Variants in PRTG observed in about 807,000 individuals in gnomAD.
PRTG encodes protogenin.
Under a neutral mutation model 122.5 loss-of-function variants are expected in PRTG, and 67 were observed. The ratio of observed to expected loss-of-function variants is 0.55; its 90% CI spans 0.45 to 0.67. The LOEUF (loss-of-function observed/expected upper bound fraction) is 0.67, where lower values mean the gene tolerates loss of function less well. PRTG is among the 30% of genes least tolerant of loss of function. The pLI is 0.00. For synonymous variants in PRTG, 554 were observed against 501.1 expected (o/e 1.11, Z -1.41); for missense variants, 1,435 against 1,415.4 (o/e 1.01, Z -0.22).
At position 55,616,879 on chromosome 15, in the gene PRTG, C is replaced by T. The variant is rs1451401557; in HGVS notation, c.*3133G>A. Reference sequence around the variant, plus strand: ...TAAATAAATTTATTTCAAATCTGCTCATCTTTACTTACTTACAGGCTAACC... The same window carrying T: ...TAAATAAATTTATTTCAAATCTGCTTATCTTTACTTACTTACAGGCTAACC... On this transcript the variant is annotated 3_prime_UTR_variant, in exon 20 of 20. Transcript: ENST00000389286. 9 of 152,092 alleles carry T rather than the reference C, an allele frequency of 5.9e-5. No homozygotes were observed. Among genetic ancestry groups the T allele is most frequent in the African/African-American group, 2.2e-4 (9 of 41,444 alleles). The allele number at this position is 152,092 out of a possible 1,614,324, so 9.4% of individuals were successfully genotyped here.
In PRTG at chr15:55,619,913, A is replaced by C; in HGVS notation, c.*99T>G. 6.5e-7 allele frequency: 1 copy of C among 1,540,980 alleles called. No homozygotes were observed. Among genetic ancestry groups the C allele is most frequent in the Non-Finnish European group, 8.7e-7 (1 of 1,145,536 alleles). On this transcript the variant is annotated 3_prime_UTR_variant, in exon 20 of 20. Coordinates refer to ENST00000389286, the MANE Select transcript of PRTG (RefSeq NM_173814.6). ...GCATAGCATGGCAGATGGCGGCTGCAGAACTAAGGAGGAAGTCTGCTCACT... is the reference window on the plus strand; with the variant it reads ...GCATAGCATGGCAGATGGCGGCTGCCGAACTAAGGAGGAAGTCTGCTCACT...
At chr15:55,722,214 A>G (rs1254480874) in intron 2 of PRTG, among the ~76,000 whole-genome samples, 4 of 152,244 alleles carry the variant, frequency 2.6e-5, no homozygotes, top group African/African-American at 7.2e-5. Flanking sequence ...TTTCAAAATT[A>G]AAAGTTGGAA....
At chr15:55,621,167 G>T (rs2059163955) in intron 18 of PRTG, among the ~76,000 whole-genome samples, 1 of 152,030 alleles carries the variant, frequency 6.6e-6, no homozygotes, top group Admixed American at 6.6e-5. Context: ...GCCTGGCCAA[G>T]ATGGTGAAAC....
intron 2 of PRTG, among the ~76,000 whole-genome samples, chr15:55,729,475 T>C (rs2031154269): frequency 6.6e-6 from 1 of 152,020 alleles, no homozygotes; most frequent in African/African-American, 2.4e-5. Context: ...CTCTATACTT[T>C]ATAAAGGTGT....
intron 2 of PRTG, among the ~76,000 whole-genome samples, chr15:55,722,196 C>G (rs2030850919): frequency 6.6e-6 from 1 of 152,154 alleles, no homozygotes; most frequent in Non-Finnish European, 1.5e-5. Context: ...TTCTGTAGAT[C>G]TGAAAATTTT....
chr15:55,655,966 T>C (rs926228626), intron 11 of PRTG: 1 of 153,482 alleles, frequency 6.5e-6, no homozygotes, highest in Admixed American at 6.5e-5. Flanking sequence ...CTTTATTTCT[T>C]ATTCTTTTAT....
In PRTG at chr15:55,613,237, T is replaced by A. The variant is rs1260654844; in HGVS notation, c.*6775A>T. On this transcript the variant is annotated 3_prime_UTR_variant, in exon 20 of 20. Transcript: ENST00000389286. ...TTTTATGACTCTCCGTTAACTTTGC[T>A]GTCTCCTACATTAATGCAAATAATA... 3.3e-5 allele frequency: 5 copies of A among 152,130 alleles called. No individual in the cohort carries two copies. 9.4% of individuals were successfully genotyped at this position (152,130 alleles called of 1,614,324 possible).
chr15:55,733,080 G>A (rs1021524177), intron 2 of PRTG, among the ~76,000 whole-genome samples: 3 of 152,044 alleles, frequency 2.0e-5, no homozygotes, highest in Non-Finnish European at 2.9e-5. Flanking sequence ...ATAGTGGCAC[G>A]TGCCCATAGT....
At chr15:55,671,062 T>C (rs2059467972) in intron 11 of PRTG, among the ~76,000 whole-genome samples, 1 of 151,952 alleles carries the variant, frequency 6.6e-6, no homozygotes, top group Non-Finnish European at 1.5e-5. Context: ...CATAATGAGA[T>C]TATAAGCAAA....
In PRTG at chr15:55,737,599, G is replaced by A. The variant is rs565353070; in HGVS notation, c.397+2783C>T. 2.7e-3 allele frequency among the ~76,000 whole-genome samples: 418 copies of A among 152,290 alleles called. 1 individual carries two copies. Among genetic ancestry groups the A allele is most frequent in the Non-Finnish European group, 4.5e-3 (306 of 68,016 alleles). ...TACATGAAAGCTTTGGCCAATGAAT[G>A]AGGGTCATCTGCTCTTTATCACAAG... On this transcript the variant is annotated intron_variant, in intron 2 of 19. Transcript: ENST00000389286.
chr15:55,684,920 G>A (rs902109900), intron 2 of PRTG, among the ~76,000 whole-genome samples: 3 of 152,102 alleles, frequency 2.0e-5, no homozygotes, highest in Admixed American at 6.6e-5. Flanking sequence ...GATCAATCTT[G>A]AAGGGTTGGT....
At position 55,678,063 on chromosome 15, in the gene PRTG, T is replaced by C; in HGVS notation, c.1134-19A>G. 1 of 1,470,600 alleles carries C rather than the reference T, an allele frequency of 6.8e-7. No homozygotes were observed. Among genetic ancestry groups the C allele is most frequent in the Non-Finnish European group, 9.4e-7 (1 of 1,069,330 alleles). 91.1% of individuals were successfully genotyped at this position (1,470,600 alleles called of 1,614,324 possible). ...CAATTTACTAGGGAAAGAAAAAAAATTATTTCCATGAAAAATTCTAAGAAT... is the reference window on the plus strand; with the variant it reads ...CAATTTACTAGGGAAAGAAAAAAAACTATTTCCATGAAAAATTCTAAGAAT... On this transcript the variant is annotated intron_variant, in intron 7 of 19. Coordinates refer to ENST00000389286, the MANE Select transcript of PRTG (RefSeq NM_173814.6).
chr15:55,687,932 C>T (rs928270325), intron 2 of PRTG, among the ~76,000 whole-genome samples: 1 of 152,166 alleles, frequency 6.6e-6, no homozygotes, highest in Non-Finnish European at 1.5e-5. Flanking sequence ...TGTAATCCCT[C>T]CATCTGGACA....
chr15:55,681,202 A>G (rs1400947341), intron 4 of PRTG: 2 of 152,112 alleles, frequency 1.3e-5, no homozygotes, highest in African/African-American at 2.4e-5. Context: ...AGGTTCAAAC[A>G]TTCATTTATT....
At chr15:55,660,382 C>T (rs921202808) in intron 11 of PRTG, among the ~76,000 whole-genome samples, 1 of 152,124 alleles carries the variant, frequency 6.6e-6, no homozygotes, top group Non-Finnish European at 1.5e-5. Context: ...AAACCCCTCT[C>T]GTTTAACTTA....
At chr15:55,635,707 G>C (rs537198532) in intron 15 of PRTG, among the ~76,000 whole-genome samples, 1 of 152,096 alleles carries the variant, frequency 6.6e-6, no homozygotes, top group South Asian at 2.1e-4. Context: ...TCCAGGTAAA[G>C]TCATCATCTG....
rs1300340032 is a variant in PRTG at position 55,646,081 on chromosome 15, A to ACCGCAACCTCCTCCTC, written c.2042-4889_2042-4874dup. ...CAGTGCAGTGGTGCGATCCCAGCTCACCGCAACCTCCTCCTCCCGCATTCA... is the reference window on the plus strand; with the variant it reads ...CAGTGCAGTGGTGCGATCCCAGCTCACCGCAACCTCCTCCTCCCGCAACCTCCTCCTCCCGCATTCA... On this transcript the variant is annotated intron_variant, in intron 11 of 19. Coordinates refer to ENST00000389286, the MANE Select transcript of PRTG (RefSeq NM_173814.6). Among the ~76,000 whole-genome samples, 38 of 151,344 alleles carry ACCGCAACCTCCTCCTC rather than the reference A, an allele frequency of 2.5e-4. 1 individual carries two copies. The East Asian group carries it at 7.2e-3, about 29-fold the overall frequency.
intron 11 of PRTG, among the ~76,000 whole-genome samples, chr15:55,661,196 C>G (rs1249828023): frequency 6.6e-6 from 1 of 152,068 alleles, no homozygotes; most frequent in Admixed American, 6.6e-5. Context: ...TTTGAGGGAG[C>G]CAGCAGGAGG....
rs1357963999 is a variant in PRTG, at chr15:55,677,950, G to C, written c.1228C>G (p.Leu410Val). Residue 410 changes from leucine (L) to valine (V), a missense_variant, in exon 8 of 20, where the codon CTG becomes GTG. Physicochemically the swap from Leu to Val is conservative, Grantham distance 32 (BLOSUM62 1). Coordinates refer to ENST00000389286, the MANE Select transcript of PRTG (RefSeq NM_173814.6). The part of the protein sequence containing the change: ...SQGSILSRAR[L>V]TVVMSEDRPS... ...CTGTCTTCTGACATCACTACAGTCA[G>C]TCTGGCTCTAGATAAAATAGATCCT... 1 of 1,613,400 alleles carries C rather than the reference G, an allele frequency of 6.2e-7. No individual in the cohort carries two copies. The highest frequency in any genetic ancestry group is 1.3e-5 in the African/African-American group (1 of 74,854).
Sources: gnomAD v4.1 joint callset for allele counts (sites outside exome capture counted in the v4.1 genomes callset) on GRCh38, gnomAD v4.1.1 for gene constraint, MANE v1.5 for transcripts, NCBI Gene and HGNC (gene_info 2026-07-23, HGNC 2026-07-21) for gene names.